GLRA2: variants seen among roughly 807,000 people sequenced by gnomAD.
The protein encoded by GLRA2 is glycine receptor alpha 2.
In GLRA2, 11 loss-of-function variants were observed where a neutral mutation model predicts 31.6. That is an observed-to-expected ratio of 0.35 (90% confidence interval 0.22 to 0.58). GLRA2 has a LOEUF of 0.58. Among genes scored for constraint, GLRA2 ranks in the 20% least tolerant of loss-of-function variants. The probability of loss-of-function intolerance (pLI) is 0.84; values close to 1 mark genes in which losing one functional copy is unlikely to be tolerated. For missense variants in GLRA2, 212 were observed against 351.8 expected (o/e 0.60, Z 3.18); for synonymous variants, 132 against 134.0 (o/e 0.99, Z 0.10).
chrX:14,502,689 A>G, the GLRA2 span, among the ~76,000 whole-genome samples: 2 of 111,183 alleles, frequency 1.8e-5, no homozygotes, highest in East Asian at 5.7e-4. Flanking sequence ...CACTTTATCT[A>G]ATATATAGTT....
chrX:14,518,378 A>G, the GLRA2 span, among the ~76,000 whole-genome samples: 5 of 112,078 alleles, frequency 4.5e-5, no homozygotes, highest in Admixed American at 9.4e-5. Flanking sequence ...TATGCATGCT[A>G]GAGAAACTTT....
chrX:14,464,960 C>A, the GLRA2 span, among the ~76,000 whole-genome samples: 1 of 111,913 alleles, frequency 8.9e-6, no homozygotes, highest in Admixed American at 9.5e-5. Flanking sequence ...TCTTTTTTCC[C>A]AGAATTGCTT....
At chrX:14,551,359 A>G (rs751571192) in intron 2 of GLRA2, among the ~76,000 whole-genome samples, 7 of 112,173 alleles carry the variant, frequency 6.2e-5, no homozygotes, top group African/African-American at 9.7e-5. Flanking sequence ...ATTTGAGCAC[A>G]TTAATAATCC....
the GLRA2 span, among the ~76,000 whole-genome samples, chrX:14,460,400 G>T: frequency 1.8e-5 from 2 of 111,888 alleles, no homozygotes; most frequent in African/African-American, 6.5e-5. Context: ...ATGCGTTAGG[G>T]AGGATTCCCT....
intron 2 of GLRA2, among the ~76,000 whole-genome samples, chrX:14,572,680 C>T (rs907431077): frequency 3.6e-5 from 4 of 112,043 alleles, no homozygotes; most frequent in African/African-American, 1.3e-4. Context: ...ATAGTTGGAG[C>T]ATTTCAAAGA....
the GLRA2 span, among the ~76,000 whole-genome samples, chrX:14,489,314 T>C: frequency 9.0e-5 from 10 of 111,522 alleles, no homozygotes; most frequent in South Asian, 3.8e-3. Context: ...TCACAAATGT[T>C]AGGAAACCTT....
intron 2 of GLRA2, among the ~76,000 whole-genome samples, chrX:14,561,007 C>T (rs191900791): frequency 1.5e-4 from 17 of 110,386 alleles, no homozygotes; most frequent in East Asian, 8.5e-4. Context: ...TGTTTATGAG[C>T]GATGTAAGTC....
At chrX:14,509,783 T>A in the GLRA2 span, among the ~76,000 whole-genome samples, 3 of 112,502 alleles carry the variant, frequency 2.7e-5, no homozygotes, top group African/African-American at 9.7e-5. Context: ...GAAGAATGAA[T>A]TTCTTTGTCA....
chrX:14,530,499 G>A (rs762532438), intron 1 of GLRA2, among the ~76,000 whole-genome samples: 4 of 111,653 alleles, frequency 3.6e-5, no homozygotes, highest in African/African-American at 9.7e-5. Context: ...AATTTGGCAG[G>A]AGCATGCTCA....
intron 2 of GLRA2, among the ~76,000 whole-genome samples, chrX:14,567,636 A>T (rs1179578219): frequency 8.9e-6 from 1 of 112,326 alleles, no homozygotes; most frequent in East Asian, 2.8e-4. Flanking sequence ...TATCCAGAGC[A>T]ATTAGACAAG....
the GLRA2 span, among the ~76,000 whole-genome samples, chrX:14,505,922 G>A: frequency 9.0e-6 from 1 of 110,916 alleles, no homozygotes; most frequent in Non-Finnish European, 1.9e-5. Flanking sequence ...ACCATCAGCT[G>A]GATGATCTTC....
intron 7 of GLRA2, among the ~76,000 whole-genome samples, chrX:14,667,036 C>T (rs767540024): frequency 2.8e-4 from 32 of 112,346 alleles, no homozygotes; most frequent in Admixed American, 3.8e-4. Flanking sequence ...ATTTCACACA[C>T]AAGGAACAGT....
chrX:14,579,271 C>T (rs2089989820), intron 3 of GLRA2, among the ~76,000 whole-genome samples: 1 of 111,196 alleles, frequency 9.0e-6, no homozygotes, highest in Non-Finnish European at 1.9e-5. Context: ...TCAGGGATAG[C>T]AGGTAGCTAC....
chrX:14,576,684 A>G (rs1376441091), intron 3 of GLRA2, among the ~76,000 whole-genome samples: 1 of 112,496 alleles, frequency 8.9e-6, no homozygotes, highest in Non-Finnish European at 1.9e-5. Flanking sequence ...GAAGCTATGG[A>G]TATCCTTGTT....
At chrX:14,635,136 T>A (rs907359905) in intron 7 of GLRA2, among the ~76,000 whole-genome samples, 5 of 111,494 alleles carry the variant, frequency 4.5e-5, no homozygotes, top group African/African-American at 1.3e-4. Flanking sequence ...GCAGACAAAA[T>A]TGTCTATGTC....
At chrX:14,720,971 A>G (rs1271680992) in intron 8 of GLRA2, among the ~76,000 whole-genome samples, 1 of 109,331 alleles carries the variant, frequency 9.1e-6, no homozygotes, top group Non-Finnish European at 1.9e-5. Context: ...CACCTCTACA[A>G]AAAAATTAGC....
At chrX:14,485,589 C>T in the GLRA2 span, among the ~76,000 whole-genome samples, 4 of 111,201 alleles carry the variant, frequency 3.6e-5, no homozygotes, top group Non-Finnish European at 7.5e-5. Context: ...TGCCCTTTTT[C>T]TTTGTGGTAA....
At position 14,607,272 on chromosome X, in the gene GLRA2, A is replaced by G. The variant is rs748960440; in HGVS notation, c.715+4A>G. 1.9e-6 allele frequency: 2 copies of G among 1,064,325 alleles called. No individual in the cohort carries two copies. Among genetic ancestry groups the G allele is most frequent in the Non-Finnish European group, 2.5e-6 (2 of 804,001 alleles). 87.7% of individuals were successfully genotyped at this position (1,064,325 alleles called of 1,213,427 possible). A position where few individuals can be genotyped will look rare whatever the true frequency, so the allele number is the denominator to read the frequency against. ...TGTACAAAGCACTACAACACTGGTA[A>G]GTTTCTTTTTTTTTTTTTTTCAGCT... On this transcript the variant is annotated splice_donor_region_variant and intron_variant, in intron 6 of 8. Transcript: ENST00000218075.
At chrX:14,612,090 G>C (rs1311469808) in intron 7 of GLRA2, among the ~76,000 whole-genome samples, 1 of 111,170 alleles carries the variant, frequency 9.0e-6, no homozygotes, top group African/African-American at 3.3e-5. Context: ...AAATTCTCAA[G>C]CAGACTTTGC....
Sources: gnomAD v4.1 joint callset for allele counts (sites outside exome capture counted in the v4.1 genomes callset) on GRCh38, gnomAD v4.1.1 for gene constraint, MANE v1.5 for transcripts, NCBI Gene and HGNC (gene_info 2026-07-23, HGNC 2026-07-21) for gene names.